Variants in PPARGC1A observed in about 807,000 individuals in gnomAD.
PPARGC1A encodes PPARG coactivator 1 alpha.
In PPARGC1A, 25 loss-of-function variants were observed where a neutral mutation model predicts 88.7. The observed-to-expected ratio is 0.28, with a 90% CI of 0.21 to 0.39. PPARGC1A has a LOEUF of 0.39. Among genes scored for constraint, PPARGC1A ranks in the 10% least tolerant of loss-of-function variants. PPARGC1A has a pLI of 1.00. For synonymous variants in PPARGC1A, 363 were observed against 355.6 expected (o/e 1.02, Z -0.24); for missense variants, 880 against 968.7 (o/e 0.91, Z 1.22).
chr4:23,859,247 T>C (rs1345219848), intron 2 of PPARGC1A, among the ~76,000 whole-genome samples: 1 of 152,144 alleles, frequency 6.6e-6, no homozygotes, highest in Non-Finnish European at 1.5e-5. Context: ...AGTCCCAAGT[T>C]AGGCCAAGAC....
intron 2 of PPARGC1A, among the ~76,000 whole-genome samples, chr4:23,882,296 T>G (rs192334197): frequency 1.3e-5 from 2 of 152,328 alleles, no homozygotes; most frequent in Admixed American, 1.3e-4. Context: ...GACTTCTCAT[T>G]CTTTATATCC....
chr4:23,838,208 C>A (rs1398990709), intron 2 of PPARGC1A, among the ~76,000 whole-genome samples: 1 of 152,004 alleles, frequency 6.6e-6, no homozygotes, highest in Non-Finnish European at 1.5e-5. Context: ...TTTTTTCCCT[C>A]TTCGTTATCT....
chr4:24,215,628 T>C, the PPARGC1A span, among the ~76,000 whole-genome samples: 2 of 152,086 alleles, frequency 1.3e-5, no homozygotes, highest in African/African-American at 2.4e-5. Flanking sequence ...ATGAAGACAT[T>C]TTAAACCAAA....
the PPARGC1A span, among the ~76,000 whole-genome samples, chr4:24,316,310 A>G: frequency 6.6e-6 from 1 of 152,222 alleles, no homozygotes; most frequent in Admixed American, 6.5e-5. Flanking sequence ...CACAGCTCAC[A>G]AGCTGCTGGC....
the PPARGC1A span, among the ~76,000 whole-genome samples, chr4:24,442,256 G>GTAT: frequency 6.6e-6 from 1 of 151,974 alleles, no homozygotes; most frequent in African/African-American, 2.4e-5. Flanking sequence ...TTTTTATCTT[G>GTAT]TATTATATTT....
At chr4:24,033,026 G>A in the PPARGC1A span, among the ~76,000 whole-genome samples, 1 of 152,208 alleles carries the variant, frequency 6.6e-6, no homozygotes, top group Non-Finnish European at 1.5e-5. Flanking sequence ...CACAAAACTT[G>A]TATGTAGAAT....
At chr4:23,923,604 A>G in the PPARGC1A span, among the ~76,000 whole-genome samples, 1 of 152,206 alleles carries the variant, frequency 6.6e-6, no homozygotes, top group African/African-American at 2.4e-5. Context: ...TTGCTAAAAA[A>G]GAAGTAACAT....
At chr4:24,056,932 A>G in the PPARGC1A span, among the ~76,000 whole-genome samples, 1 of 152,222 alleles carries the variant, frequency 6.6e-6, no homozygotes, top group Non-Finnish European at 1.5e-5. Flanking sequence ...CATATGATCC[A>G]GCAATTCCAA....
chr4:24,307,277 G>A, the PPARGC1A span, among the ~76,000 whole-genome samples: 1 of 152,110 alleles, frequency 6.6e-6, no homozygotes, highest in Non-Finnish European at 1.5e-5. Flanking sequence ...GACATTTGGG[G>A]CAGCTCTCCC....
chr4:24,301,095 A>G, the PPARGC1A span, among the ~76,000 whole-genome samples: 1 of 152,214 alleles, frequency 6.6e-6, no homozygotes, highest in Non-Finnish European at 1.5e-5. Flanking sequence ...ATTTGCTACC[A>G]AATTCAGCAT....
At chr4:24,041,986 A>G in the PPARGC1A span, among the ~76,000 whole-genome samples, 1 of 152,138 alleles carries the variant, frequency 6.6e-6, no homozygotes, top group East Asian at 1.9e-4. Flanking sequence ...TGGAATCTTT[A>G]ATTTTACTTC....
the PPARGC1A span, among the ~76,000 whole-genome samples, chr4:24,059,998 G>C: frequency 6.6e-6 from 1 of 152,108 alleles, no homozygotes; most frequent in African/African-American, 2.4e-5. Flanking sequence ...AGCACACCTG[G>C]GACGTCACAG....
the PPARGC1A span, among the ~76,000 whole-genome samples, chr4:24,266,593 T>C: frequency 6.6e-6 from 1 of 152,016 alleles, no homozygotes; most frequent in Admixed American, 6.5e-5. Flanking sequence ...ATAAGGACCT[T>C]GAAGAAAATA....
At chr4:24,107,343 G>C in the PPARGC1A span, among the ~76,000 whole-genome samples, 1 of 152,158 alleles carries the variant, frequency 6.6e-6, no homozygotes, top group Admixed American at 6.5e-5. Context: ...TACAATAGTA[G>C]CTCTGAAGAT....
chr4:23,802,337 G>A lies in PPARGC1A; in HGVS notation c.2028C>T (p.Arg676=). 1 of 1,613,900 alleles carries A rather than the reference G, an allele frequency of 6.2e-7. No individual in the cohort carries two copies. Among genetic ancestry groups the A allele is most frequent in the Non-Finnish European group, 8.5e-7 (1 of 1,179,944 alleles). The part of the protein sequence containing the change: ...ERQRQKAIEE[R]RVIYVGKIRP... ...TGATTTTACCGACATAAATCACACG[G>A]CGCTCTTCCTATGGGGGGAAGGAAG... Residue 676 remains arginine, a synonymous_variant, in exon 11 of 13, where the codon CGC becomes CGT. Transcript: ENST00000264867.
the PPARGC1A span, among the ~76,000 whole-genome samples, chr4:23,969,549 G>A: frequency 6.6e-6 from 1 of 152,150 alleles, no homozygotes; most frequent in East Asian, 1.9e-4. Flanking sequence ...TTCTCAGTGA[G>A]TATTTACTAA....
At chr4:24,154,777 G>A in the PPARGC1A span, among the ~76,000 whole-genome samples, 12 of 152,296 alleles carry the variant, frequency 7.9e-5, no homozygotes, top group Non-Finnish European at 1.6e-4. Flanking sequence ...CAATCACTCC[G>A]AAACACAAAG....
At chr4:24,373,884 T>C in the PPARGC1A span, among the ~76,000 whole-genome samples, 10 of 152,208 alleles carry the variant, frequency 6.6e-5, no homozygotes, top group Admixed American at 1.3e-4. Flanking sequence ...GCAATTGCTA[T>C]GTGATAGCAA....
At chr4:23,839,807 A>AG (rs902515455) in intron 2 of PPARGC1A, among the ~76,000 whole-genome samples, 1 of 40,222 alleles carries the variant, frequency 2.5e-5, no homozygotes, top group Admixed American at 3.3e-4. Context: ...CAGAAAAAAA[A>AG]AGAAGTTTGT....
Sources: gnomAD v4.1 joint callset for allele counts (sites outside exome capture counted in the v4.1 genomes callset) on GRCh38, gnomAD v4.1.1 for gene constraint, MANE v1.5 for transcripts, NCBI Gene and HGNC (gene_info 2026-07-23, HGNC 2026-07-21) for gene names.